The following MTREX variants were observed in gnomAD, a reference collection of about 807,000 sequenced individuals.
The protein encoded by MTREX is Mtr4 exosome RNA helicase.
A neutral mutation model predicts 135.4 loss-of-function variants in MTREX; 76 were observed. The ratio of observed to expected loss-of-function variants is 0.56; its 90% CI spans 0.47 to 0.68. The LOEUF (loss-of-function observed/expected upper bound fraction) is 0.68. Ranked by LOEUF, MTREX falls within the 30% of genes least tolerant of loss-of-function variation. The probability of loss-of-function intolerance (pLI) is 0.00; values close to 1 mark genes in which losing one functional copy is unlikely to be tolerated. For missense variants in MTREX, 920 were observed against 1,262.1 expected, an observed-to-expected ratio of 0.73 and a Z score of 4.11; for synonymous variants, 404 against 401.6, an observed-to-expected ratio of 1.01 and a Z score of -0.07.
chr5:55,329,809 T>C (rs1749441146), intron 5 of MTREX, among the ~76,000 whole-genome samples: 1 of 152,062 alleles, frequency 6.6e-6, no homozygotes, highest in South Asian at 2.1e-4. Flanking sequence ...ATTTTTATCA[T>C]TGATTTTAAG....
intron 1 of MTREX, among the ~76,000 whole-genome samples, chr5:55,321,332 C>T (rs559596899): frequency 1.2e-4 from 18 of 152,034 alleles, no homozygotes; most frequent in Non-Finnish European, 2.2e-4. Flanking sequence ...GCTTGTTGCC[C>T]ATTTGAATAT....
In MTREX at chr5:55,400,279, T is replaced by C; in HGVS notation, c.2339T>C (p.Ile780Thr). 6.2e-7 allele frequency: 1 copy of C among 1,612,192 alleles called. No homozygotes were observed. The highest frequency in any genetic ancestry group is 8.5e-7 in the Non-Finnish European group (1 of 1,179,252). ...GACGGCATCCCCTTATTAGACCCTA[T>C]TGATGATATGGGCATTCAAGATCAA... The part of the protein sequence containing the change: ...FPDGIPLLDP[I>T]DDMGIQDQGL... Residue 780 changes from isoleucine (I) to threonine (T), a missense_variant, in exon 21 of 27, where the codon ATT becomes ACT. Transcript: ENST00000230640.
At chr5:55,413,159 T>C (rs1750910103) in intron 23 of MTREX, among the ~76,000 whole-genome samples, 1 of 151,822 alleles carries the variant, frequency 6.6e-6, no homozygotes, top group Non-Finnish European at 1.5e-5. Context: ...ACCAACATGG[T>C]GAAACCCCGT....
chr5:55,416,265 G>A (rs1750964262), intron 25 of MTREX, 133 bp downstream of exon 25: 1 of 544,334 alleles, frequency 1.8e-6, no homozygotes, highest in Non-Finnish European at 3.0e-6. Context: ...CTATTATATA[G>A]ATTAAAAAAT....
At chr5:55,395,965 G>A (rs1249873824) in intron 19 of MTREX, among the ~76,000 whole-genome samples, 1 of 152,130 alleles carries the variant, frequency 6.6e-6, no homozygotes, top group Non-Finnish European at 1.5e-5. Flanking sequence ...GAAAGAGGAC[G>A]AAATCTTAAT....
intron 26 of MTREX, chr5:55,424,514 C>CAA: frequency 4.0e-6 from 2 of 497,232 alleles, no homozygotes; most frequent in Non-Finnish European, 7.3e-6. Flanking sequence ...ATTTCAGAGT[C>CAA]AAAAGAACAG....
intron 1 of MTREX, among the ~76,000 whole-genome samples, chr5:55,308,708 C>T (rs1749031445): frequency 6.6e-6 from 1 of 152,030 alleles, no homozygotes; most frequent in Non-Finnish European, 1.5e-5. Flanking sequence ...TGGTAGCTAT[C>T]GTGAGTTTAT....
chr5:55,405,618 C>CT (rs1750792080), intron 22 of MTREX, 30 bp downstream of exon 22: 3 of 1,500,462 alleles, frequency 2.0e-6, no homozygotes, highest in African/African-American at 2.8e-5. Context: ...CTAGAAAGTT[C>CT]ATTTTTTTTT....
Position 55,402,271 on chromosome 5 carries a change from A to C in MTREX, c.2481+1850A>C, listed in dbSNP as rs530251807. Among the ~76,000 whole-genome samples the C allele has an allele frequency of 2.0e-5, 3 of 152,344 alleles. No individual in the cohort carries two copies. The South Asian group carries it at 6.2e-4, about 32-fold the overall frequency. On this transcript the variant is annotated intron_variant, in intron 21 of 26. Transcript: ENST00000230640. ...TTGCCAGGTACTTCTCAAGATGAGG[A>C]AACTGGGACACAACAAACTTTCATT...
At chr5:55,396,128 A>G (rs996807449) in intron 19 of MTREX, among the ~76,000 whole-genome samples, 2 of 152,220 alleles carry the variant, frequency 1.3e-5, no homozygotes, top group Non-Finnish European at 2.9e-5. Context: ...GATTTATTTC[A>G]TTCTTACAAG....
chr5:55,322,816 A>AC (rs1749310373), intron 2 of MTREX, among the ~76,000 whole-genome samples: 1 of 152,202 alleles, frequency 6.6e-6, no homozygotes, highest in Non-Finnish European at 1.5e-5. Flanking sequence ...TGGAAGGAAT[A>AC]AGTGGGAAGG....
intron 23 of MTREX, among the ~76,000 whole-genome samples, chr5:55,412,355 G>T (rs964286765): frequency 2.8e-4 from 42 of 152,118 alleles, no homozygotes; most frequent in African/African-American, 9.9e-4. Context: ...ATATTTAAAA[G>T]GTTATGTAAA....
Position 55,422,989 on chromosome 5 carries a change from A to G in MTREX, c.3076+7A>G, listed in dbSNP as rs1751078442. The G allele has an allele frequency of 6.2e-7, 1 of 1,603,420 alleles. No individual in the cohort carries two copies. Reference sequence around the variant, plus strand: ...GAAAATAAATTTGCAGAAGGTCAGTATCAAATGGATAAGCTGTTTCTAATT... The same window carrying G: ...GAAAATAAATTTGCAGAAGGTCAGTGTCAAATGGATAAGCTGTTTCTAATT... On this transcript the variant is annotated splice_region_variant and intron_variant, in intron 26 of 26. Transcript: ENST00000230640.
chr5:55,411,974 C>T (rs1426931494), intron 23 of MTREX, among the ~76,000 whole-genome samples: 1 of 152,068 alleles, frequency 6.6e-6, no homozygotes, highest in East Asian at 1.9e-4. Context: ...GGCACTATTA[C>T]AATAGTTCCT....
chr5:55,412,954 A>G (rs1481665746), intron 23 of MTREX, among the ~76,000 whole-genome samples: 1 of 152,144 alleles, frequency 6.6e-6, no homozygotes, highest in Non-Finnish European at 1.5e-5. Context: ...TTATACATAT[A>G]TACATGTTGC....
At chr5:55,316,435 A>G (rs940449324) in intron 1 of MTREX, among the ~76,000 whole-genome samples, 4 of 152,332 alleles carry the variant, frequency 2.6e-5, no homozygotes, top group Non-Finnish European at 4.4e-5. Context: ...CTAATCCACC[A>G]TGACCAAGTA....
intron 15 of MTREX, among the ~76,000 whole-genome samples, chr5:55,364,678 T>A (rs1407990941): frequency 6.6e-6 from 1 of 152,210 alleles, no homozygotes; most frequent in Admixed American, 6.5e-5. Flanking sequence ...GTTGTCATAA[T>A]CTAGGTATGA....
chr5:55,315,108 G>A (rs1749178298), intron 1 of MTREX, among the ~76,000 whole-genome samples: 1 of 152,212 alleles, frequency 6.6e-6, no homozygotes, highest in Admixed American at 6.5e-5. Flanking sequence ...AGTAATGTGT[G>A]AGAGTACTTT....
intron 21 of MTREX, 87 bp downstream of exon 21, chr5:55,400,508 T>A: frequency 4.4e-6 from 4 of 903,570 alleles, no homozygotes; most frequent in Non-Finnish European, 6.4e-6. Context: ...CCTGTTGGTT[T>A]AATTGGCTAA....
Sources: allele counts gnomAD v4.1 joint callset (sites outside exome capture counted in the v4.1 genomes callset), GRCh38; gene constraint gnomAD v4.1.1; transcripts MANE v1.5; gene names NCBI Gene and HGNC (gene_info 2026-07-23, HGNC 2026-07-21).